Variants in SLC25A53 observed in about 807,000 individuals in gnomAD.
SLC25A53 encodes the protein solute carrier family 25 member 53, also known as mitochondrial carrier triple repeat protein 6.
SLC25A53 carries 5 observed loss-of-function variants against 15.0 expected under a neutral mutation model. That is an observed-to-expected ratio of 0.33 (90% confidence interval 0.17 to 0.70). The LOEUF (loss-of-function observed/expected upper bound fraction) is 0.70. Ranked by LOEUF, SLC25A53 falls within the 30% of genes least tolerant of loss-of-function variation. The pLI is 0.67. For synonymous variants in SLC25A53, 95 were observed against 100.0 expected (o/e 0.95, Z 0.30); for missense variants, 216 against 241.6 (o/e 0.89, Z 0.70).
chrX:104,107,707 G>A (rs1419294780), intron 1 of SLC25A53, among the ~76,000 whole-genome samples: 1 of 112,246 alleles, frequency 8.9e-6, no homozygotes, highest in African/African-American at 3.2e-5. Flanking sequence ...GAGGCAGGAT[G>A]ATTTAGCAGA....
At chrX:104,135,467 C>A (rs1378111905) in intron 1 of SLC25A53, among the ~76,000 whole-genome samples, 1 of 111,058 alleles carries the variant, frequency 9.0e-6, no homozygotes, top group African/African-American at 3.3e-5. Flanking sequence ...TTGCTGGCAC[C>A]ACCATCACCC....
chrX:104,114,802 C>T (rs1556360681), intron 1 of SLC25A53: 2 of 1,210,551 alleles, frequency 1.7e-6, no homozygotes, highest in Admixed American at 2.2e-5. Flanking sequence ...TAAACGGAAG[C>T]GGCCGAAAAG....
intron 1 of SLC25A53, among the ~76,000 whole-genome samples, chrX:104,137,590 T>C (rs2075439862): frequency 9.0e-6 from 1 of 111,345 alleles, no homozygotes; most frequent in Admixed American, 9.6e-5. Context: ...ATACTCTGAG[T>C]TCCCTGAAAA....
chrX:104,104,957 T>C lies in SLC25A53; in HGVS notation c.301A>G (p.Ser101Gly), dbSNP rs144211923. ...ACAGGAGAGAGAAAGCACAGCAGGCTATCATAAGTCCCAAACAGAAGAGTC... is the reference window on the plus strand; with the variant it reads ...ACAGGAGAGAGAAAGCACAGCAGGCCATCATAAGTCCCAAACAGAAGAGTC... ...QGTLLFGTYD[S>G]LLCFLSPVGP... The change falls in exon 2 of 2, where the codon AGC becomes GGC. Residue 101 changes from serine to glycine, a missense_variant. By Grantham distance (56) the Ser-to-Gly change is moderately conservative. Transcript: ENST00000594199. 3.3e-4 allele frequency: 398 copies of C among 1,209,391 alleles called. 1 individual carries two copies. The African/African-American group carries it at 5.9e-3, about 18-fold the overall frequency.
intron 1 of SLC25A53, among the ~76,000 whole-genome samples, chrX:104,154,470 C>A (rs1556371024): frequency 1.8e-5 from 2 of 112,252 alleles, no homozygotes; most frequent in African/African-American, 6.5e-5. Flanking sequence ...ATCCAGCAAT[C>A]CCACTTCTGG....
chrX:104,104,672 T>G lies in SLC25A53; in HGVS notation c.586A>C (p.Lys196Gln), dbSNP rs782787245. ...SLGSALYFSFKDPIQDGLAEQ... is the reference protein window; with the variant it reads ...SLGSALYFSFQDPIQDGLAEQ... The stretch of plus-strand genomic sequence containing the variant: ...GCCAGGCCATCCTGGATGGGGTCCT[T>G]GAAAGAAAAATATAGAGCACTCCCC... The change falls in exon 2 of 2, where the codon AAG (lysine) becomes CAG (glutamine). Residue 196 changes from lysine (K) to glutamine (Q), a missense_variant. Physicochemically the swap from Lys to Gln is moderately conservative, Grantham distance 53. Transcript: ENST00000594199. The G allele has an allele frequency of 5.8e-6, 7 of 1,208,744 alleles. No homozygotes were observed. Among genetic ancestry groups the G allele is most frequent in the East Asian group, 3.0e-5 (1 of 33,694 alleles).
In SLC25A53 at chrX:104,104,920, G is replaced by A; in HGVS notation, c.338C>T (p.Thr113Ile). 8.3e-7 allele frequency: 1 copy of A among 1,211,809 alleles called. No individual in the cohort carries two copies. Among genetic ancestry groups the A allele is most frequent in the East Asian group, 3.0e-5 (1 of 33,844 alleles). ...LCFLSPVGPH[T>I]LGHRWAAGLM... ...CCCGGCAGCCCAGCGGTGTCCCAGGGTGTGTGGCCCAACAGGAGAGAGAAA... is the reference window on the plus strand; with the variant it reads ...CCCGGCAGCCCAGCGGTGTCCCAGGATGTGTGGCCCAACAGGAGAGAGAAA... The change falls in exon 2 of 2, where the codon ACC (threonine) becomes ATC (isoleucine). Residue 113 changes from threonine to isoleucine, a missense_variant. Physicochemically the swap from Thr to Ile is moderately conservative, Grantham distance 89. Transcript: ENST00000594199.
chrX:104,105,333 T>C (rs111683859), intron 1 of SLC25A53, 45 bp from the exon 2 acceptor site: 948 of 902,043 alleles, frequency 1.1e-3, no homozygotes, highest in African/African-American at 3.6e-3. Flanking sequence ...CAATTAATTC[T>C]GTTGGCAAGC....
At chrX:104,123,646 G>A (rs2075401785) in intron 1 of SLC25A53, among the ~76,000 whole-genome samples, 1 of 110,216 alleles carries the variant, frequency 9.1e-6, no homozygotes, top group Non-Finnish European at 1.9e-5. Context: ...ACGTGCCATG[G>A]TGGTTTGCTG....
At chrX:104,107,034 C>T (rs782064694) in intron 1 of SLC25A53, among the ~76,000 whole-genome samples, 2 of 105,196 alleles carry the variant, frequency 1.9e-5, no homozygotes, top group African/African-American at 7.0e-5. Context: ...TCCCCACGAT[C>T]TCATTCTATC....
chrX:104,149,374 T>C (rs966055840), intron 1 of SLC25A53, among the ~76,000 whole-genome samples: 29 of 112,852 alleles, frequency 2.6e-4, no homozygotes, highest in African/African-American at 8.4e-4. Flanking sequence ...TACTTCATAA[T>C]GTCTGGGGCC....
chrX:104,124,839 C>CTT (rs34662574), intron 1 of SLC25A53, among the ~76,000 whole-genome samples: 1,461 of 61,990 alleles, frequency 0.024, 9 homozygotes, highest in Middle Eastern at 0.057. Context: ...AACTTTTTTC[C>CTT]TTTTTTTTTT....
intron 1 of SLC25A53, among the ~76,000 whole-genome samples, chrX:104,108,466 C>G (rs1250024463): frequency 7.2e-5 from 8 of 111,248 alleles, no homozygotes; most frequent in African/African-American, 2.3e-4. Flanking sequence ...CTCGGGACAG[C>G]CATAACCAGA....
At chrX:104,153,325 C>T (rs1480635469) in intron 1 of SLC25A53, among the ~76,000 whole-genome samples, 1 of 109,152 alleles carries the variant, frequency 9.2e-6, no homozygotes, top group East Asian at 2.9e-4. Flanking sequence ...CAATCATTAC[C>T]GCAACTGATC....
chrX:104,115,255 C>G (rs2075372280), intron 1 of SLC25A53: 2 of 1,196,070 alleles, frequency 1.7e-6, no homozygotes, highest in Non-Finnish European at 2.3e-6. Context: ...CCTGCAGGAG[C>G]TGACACATAC....
intron 1 of SLC25A53, among the ~76,000 whole-genome samples, chrX:104,127,686 G>C (rs1556364720): frequency 8.9e-6 from 1 of 112,235 alleles, no homozygotes; most frequent in African/African-American, 3.2e-5. Context: ...GCGTGGGGCT[G>C]GGTGTGGTGG....
intron 1 of SLC25A53, among the ~76,000 whole-genome samples, chrX:104,150,962 C>T (rs1377899179): frequency 2.7e-5 from 3 of 111,509 alleles, no homozygotes; most frequent in African/African-American, 6.5e-5. Context: ...TAAGAAAACT[C>T]GTTCCTAGCA....
At chrX:104,131,861 G>C (rs1307322499) in intron 1 of SLC25A53, among the ~76,000 whole-genome samples, 1 of 111,384 alleles carries the variant, frequency 9.0e-6, no homozygotes, top group Non-Finnish European at 1.9e-5. Context: ...GATGTCCAGC[G>C]GGTACTTCAA....
intron 1 of SLC25A53, among the ~76,000 whole-genome samples, chrX:104,140,877 T>C (rs372338561): frequency 1.8e-4 from 20 of 111,336 alleles, no homozygotes; most frequent in African/African-American, 6.5e-4. Context: ...GAAGGCCACC[T>C]TAAGCATTTT....
Sources: gnomAD v4.1 joint callset for allele counts (sites outside exome capture counted in the v4.1 genomes callset) on GRCh38, gnomAD v4.1.1 for gene constraint, MANE v1.5 for transcripts, NCBI Gene and HGNC (gene_info 2026-07-23, HGNC 2026-07-21) for gene names.